PCDH7: variants seen among roughly 807,000 people sequenced by gnomAD.
The protein encoded by PCDH7 is protocadherin 7.
PCDH7 carries 17 observed loss-of-function variants against 58.9 expected under a neutral mutation model. The ratio of observed to expected loss-of-function variants is 0.29; its 90% CI spans 0.20 to 0.43. PCDH7 has a LOEUF of 0.43. Ranked by LOEUF, PCDH7 falls within the 20% of genes least tolerant of loss-of-function variation. The pLI is 1.00. For synonymous variants in PCDH7, 664 were observed against 616.4 expected (o/e 1.08, Z -1.14); for missense variants, 1,274 against 1,441.0 (o/e 0.88, Z 1.88).
exon 1 of PCDH7, chr4:30,724,423 C>G: frequency 1.9e-6 from 3 of 1,614,014 alleles, no homozygotes; most frequent in Non-Finnish European, 2.5e-6. Context: ...ATCTAGTTCC[C>G]CATTGCCTAC....
exon 2 of PCDH7, chr4:30,731,000 A>G: frequency 8.2e-7 from 1 of 1,225,006 alleles, no homozygotes; most frequent in Non-Finnish European, 1.0e-6. Flanking sequence ...TAATGCAGAA[A>G]TGTGCTACTA....
At chr4:30,737,499 A>G (rs762537290), downstream of PCDH7, among the ~76,000 whole-genome samples, 1 of 151,944 alleles carries the variant, frequency 6.6e-6, no homozygotes, top group African/African-American at 2.4e-5. Flanking sequence ...TGGGTGACAG[A>G]GGGAGATCCT....
At chr4:30,894,490 A>AAAAAT (rs1553909431) in intron 1 of PCDH7, among the ~76,000 whole-genome samples, 3 of 33,512 alleles carry the variant, frequency 9.0e-5, no homozygotes, top group Non-Finnish European at 1.2e-4. Context: ...AAAAAAAAAA[A>AAAAAT]ATATATATAT....
At chr4:30,918,865 G>A (rs1468236519) in intron 1 of PCDH7, among the ~76,000 whole-genome samples, 2 of 152,036 alleles carry the variant, frequency 1.3e-5, no homozygotes, top group Non-Finnish European at 2.9e-5. Context: ...GCATGTGTTT[G>A]TCTTTAGCAA....
At chr4:30,746,842 C>T (rs1009224790) in intron 1 of PCDH7, among the ~76,000 whole-genome samples, 1 of 152,190 alleles carries the variant, frequency 6.6e-6, no homozygotes, top group Non-Finnish European at 1.5e-5. Flanking sequence ...TTTTATTCCT[C>T]TCCTTTCTTT....
chr4:30,838,118 C>T (rs1730744480), intron 1 of PCDH7, among the ~76,000 whole-genome samples: 1 of 151,816 alleles, frequency 6.6e-6, no homozygotes, highest in African/African-American at 2.4e-5. Flanking sequence ...GGCCTATTTT[C>T]CATTGGCAAG....
chr4:30,847,997 A>G (rs1446137725), intron 1 of PCDH7, among the ~76,000 whole-genome samples: 1 of 152,298 alleles, frequency 6.6e-6, no homozygotes, highest in East Asian at 1.9e-4. Flanking sequence ...CTATTAATAT[A>G]TATTTAATGA....
intron 1 of PCDH7, among the ~76,000 whole-genome samples, chr4:30,788,592 C>G (rs968830408): frequency 9.2e-5 from 14 of 152,054 alleles, no homozygotes; most frequent in Non-Finnish European, 2.1e-4. Context: ...TTTTAACAGT[C>G]TCTTAAAAGA....
intron 3 of PCDH7, among the ~76,000 whole-genome samples, chr4:30,975,173 G>GTGTGTA (rs1341191229): frequency 1.3e-5 from 2 of 151,498 alleles, no homozygotes; most frequent in Non-Finnish European, 2.9e-5. Context: ...GTGTGTGTGT[G>GTGTGTA]TGTGTGTGTG....
At chr4:30,736,576 C>T (rs1255270626), downstream of PCDH7, among the ~76,000 whole-genome samples, 6 of 148,862 alleles carry the variant, frequency 4.0e-5, no homozygotes, top group Non-Finnish European at 7.4e-5. Flanking sequence ...CGCTCTGCCG[C>T]CGGGGCTGGA....
At chr4:30,932,983 C>T (rs1037142744) in intron 2 of PCDH7, among the ~76,000 whole-genome samples, 17 of 151,838 alleles carry the variant, frequency 1.1e-4, no homozygotes, top group African/African-American at 4.1e-4. Context: ...TAAAATGTTG[C>T]CTAAAGAGGA....
intron 3 of PCDH7, among the ~76,000 whole-genome samples, chr4:30,983,918 A>G (rs549269940): frequency 5.5e-4 from 83 of 152,164 alleles, no homozygotes; most frequent in Non-Finnish European, 7.5e-4. Flanking sequence ...AGTGCTCCAC[A>G]CCACTGAGTA....
At chr4:31,090,868 A>T (rs2109284233) in intron 3 of PCDH7, among the ~76,000 whole-genome samples, 1 of 152,154 alleles carries the variant, frequency 6.6e-6, no homozygotes, top group East Asian at 1.9e-4. Flanking sequence ...ATACCTATGA[A>T]AAGTGTTATT....
intron 1 of PCDH7, among the ~76,000 whole-genome samples, chr4:30,768,027 T>G: frequency 6.6e-6 from 1 of 152,268 alleles, no homozygotes; most frequent in Admixed American, 6.5e-5. Flanking sequence ...TTTAATAATT[T>G]TAATAGTCAT....
chr4:30,908,767 G>T (rs953786056), intron 1 of PCDH7, among the ~76,000 whole-genome samples: 2 of 151,976 alleles, frequency 1.3e-5, no homozygotes, highest in African/African-American at 4.8e-5. Flanking sequence ...AGAGGATCTG[G>T]TACCATTTCT....
At chr4:31,118,648 G>A (rs917592585) in intron 3 of PCDH7, among the ~76,000 whole-genome samples, 3 of 152,048 alleles carry the variant, frequency 2.0e-5, no homozygotes, top group African/African-American at 4.8e-5. Context: ...CCATAATTTT[G>A]GTACTGATGG....
At chr4:30,948,995 G>A (rs1033876135) in intron 2 of PCDH7, among the ~76,000 whole-genome samples, 1 of 152,066 alleles carries the variant, frequency 6.6e-6, no homozygotes, top group South Asian at 2.1e-4. Flanking sequence ...GGGATTAAAG[G>A]TTAGATTCAC....
At chr4:31,056,460 AG>A (rs11314385) in intron 3 of PCDH7, among the ~76,000 whole-genome samples, 1,622 of 65,528 alleles carry the variant, frequency 0.025, 33 homozygotes, top group South Asian at 0.032. Flanking sequence ...GAAAGAAAGA[AG>A]AAAGAAAGAA....
intron 3 of PCDH7, among the ~76,000 whole-genome samples, chr4:30,988,854 T>A (rs1751214165): frequency 6.6e-6 from 1 of 152,184 alleles, no homozygotes; most frequent in African/African-American, 2.4e-5. Context: ...ATGGTAGTAT[T>A]AATGCATGTA....
Sources: allele counts gnomAD v4.1 joint callset (sites outside exome capture counted in the v4.1 genomes callset), GRCh38; gene constraint gnomAD v4.1.1; transcripts MANE v1.5; gene names NCBI Gene and HGNC (gene_info 2026-07-23, HGNC 2026-07-21).